Variants in CNTNAP3B observed in about 807,000 individuals in gnomAD.
CNTNAP3B encodes the protein contactin-associated protein-like 3B.
In CNTNAP3B, 25 loss-of-function variants were observed where a neutral mutation model predicts 108.9. The observed-to-expected ratio is 0.23, with a 90% confidence interval of 0.17 to 0.32. The LOEUF is 0.32. Ranked by LOEUF, CNTNAP3B falls within the 10% of genes least tolerant of loss-of-function variation. The pLI is 1.00. For missense variants in CNTNAP3B, 252 were observed against 1,210.4 expected (o/e 0.21, Z 11.75); for synonymous variants, 103 against 473.4 (o/e 0.22, Z 10.16).
At chr9:41,932,329 T>C (rs1231372453) in intron 14 of CNTNAP3B, among the ~76,000 whole-genome samples, 1 of 152,014 alleles carries the variant, frequency 6.6e-6, no homozygotes, top group Non-Finnish European at 1.5e-5. Context: ...TTTATTAAAA[T>C]TTTTATTTAT....
In CNTNAP3B at chr9:41,936,201, C is replaced by T. The variant is rs1370560379; in HGVS notation, c.2237+2043G>A. Reference sequence around the variant, plus strand: ...CTGAGGCAGGAGAATCGCTTGAATCCGGGAGGCGCAGGTTGCAGTGAGCTG... The same window carrying T: ...CTGAGGCAGGAGAATCGCTTGAATCTGGGAGGCGCAGGTTGCAGTGAGCTG... On this transcript the variant is annotated intron_variant, in intron 14 of 23. Transcript: ENST00000377561. 1.6e-4 allele frequency among the ~76,000 whole-genome samples: 24 copies of T among 152,370 alleles called. No homozygotes were observed. The South Asian group carries it at 4.6e-3, about 29-fold the overall frequency.
At chr9:41,939,551 T>A (rs532000263) in intron 13 of CNTNAP3B, among the ~76,000 whole-genome samples, 1 of 152,274 alleles carries the variant, frequency 6.6e-6, no homozygotes, top group Non-Finnish European at 1.5e-5. Flanking sequence ...TAAAGAGGGA[T>A]TAGTACCAGG....
At chr9:41,951,798 C>T (rs1824693292) in intron 13 of CNTNAP3B, among the ~76,000 whole-genome samples, 3 of 152,260 alleles carry the variant, frequency 2.0e-5, no homozygotes, top group Non-Finnish European at 2.9e-5. Flanking sequence ...GTGTGAGGGC[C>T]GGGCGCGGTG....
intron 1 of CNTNAP3B, among the ~76,000 whole-genome samples, chr9:42,120,890 G>A (rs1828447040): frequency 7.3e-6 from 1 of 136,270 alleles, no homozygotes; most frequent in Non-Finnish European, 1.6e-5. Context: ...GTTAATGGGT[G>A]CAGCACACCA....
intron 3 of CNTNAP3B, among the ~76,000 whole-genome samples, chr9:42,056,352 T>G (rs1338607355): frequency 1.4e-5 from 2 of 139,390 alleles, no homozygotes; most frequent in East Asian, 4.2e-4. Flanking sequence ...TTATTATTAT[T>G]ATTATTATTA....
rs1469357540 is a variant in CNTNAP3B at position 42,105,432 on chromosome 9, C to T, written c.86-693G>A. Among the ~76,000 whole-genome samples the T allele has an allele frequency of 3.9e-5, 4 of 103,364 alleles. No individual in the cohort carries two copies. The East Asian group carries it at 1.3e-3, about 34-fold the overall frequency. 67.8% of individuals were successfully genotyped at this position (103,364 alleles called of 152,430 possible). A position where few individuals can be genotyped will look rare whatever the true frequency, so the allele number is the denominator to read the frequency against. ...CATTGCAGGAACTTGCTCTGCCTTTCCAACCCAAGGACCCCTGCATGTCAC... is the reference window on the plus strand; with the variant it reads ...CATTGCAGGAACTTGCTCTGCCTTTTCAACCCAAGGACCCCTGCATGTCAC... On this transcript the variant is annotated intron_variant, in intron 1 of 23. Coordinates refer to ENST00000377561, the MANE Select transcript of CNTNAP3B (RefSeq NM_001201380.3).
At chr9:42,108,150 C>T (rs1285501332) in intron 1 of CNTNAP3B, among the ~76,000 whole-genome samples, 2 of 137,736 alleles carry the variant, frequency 1.5e-5, no homozygotes, top group Non-Finnish European at 3.1e-5. Flanking sequence ...CAGTGGGCAC[C>T]CCACAAGTGT....
chr9:41,953,453 G>A, intron 12 of CNTNAP3B, 67 bp from the exon 13 acceptor site: 2 of 1,518,232 alleles, frequency 1.3e-6, no homozygotes, highest in Non-Finnish European at 1.8e-6. Flanking sequence ...AGGCAAAGCA[G>A]ACCTTTTATG....
At chr9:41,936,819 A>G (rs1302391210) in intron 14 of CNTNAP3B, among the ~76,000 whole-genome samples, 2 of 152,288 alleles carry the variant, frequency 1.3e-5, no homozygotes, top group African/African-American at 4.8e-5. Context: ...TGTCTCATAA[A>G]TCTGTATGAT....
At chr9:41,947,625 T>C (rs1824564384) in intron 13 of CNTNAP3B, among the ~76,000 whole-genome samples, 2 of 152,008 alleles carry the variant, frequency 1.3e-5, no homozygotes, top group African/African-American at 4.8e-5. Context: ...TTCTTACCTC[T>C]AGAAACTAGA....
chr9:42,115,428 T>A (rs1306216605), intron 1 of CNTNAP3B, among the ~76,000 whole-genome samples: 1 of 138,612 alleles, frequency 7.2e-6, no homozygotes, highest in East Asian at 2.2e-4. Flanking sequence ...AGTGGGTCCC[T>A]GACCCCTGCG....
intron 1 of CNTNAP3B, among the ~76,000 whole-genome samples, chr9:42,116,655 T>C (rs62558077): frequency 0.014 from 1,931 of 139,462 alleles, 282 homozygotes; most frequent in South Asian, 0.056. Flanking sequence ...AATGACAGGA[T>C]CAAATTCACA....
At chr9:42,088,803 C>T (rs1210815346) in intron 2 of CNTNAP3B, among the ~76,000 whole-genome samples, 1 of 139,118 alleles carries the variant, frequency 7.2e-6, no homozygotes, top group African/African-American at 2.8e-5. Flanking sequence ...TAATGTTCTA[C>T]TTTTCAGGTC....
rs1275093488 is a variant in CNTNAP3B, at chr9:42,120,802, C to T, written c.85+8208G>A. Reference sequence around the variant, plus strand: ...ACACATGGACACAGGAAGGGGAACACTACACAACGGGGACTGTCGCGGGGT... The same window carrying T: ...ACACATGGACACAGGAAGGGGAACATTACACAACGGGGACTGTCGCGGGGT... On this transcript the variant is annotated intron_variant, in intron 1 of 23. Coordinates refer to ENST00000377561, the MANE Select transcript of CNTNAP3B (RefSeq NM_001201380.3). 4.0e-5 allele frequency among the ~76,000 whole-genome samples: 4 copies of T among 99,066 alleles called. 1 individual carries two copies. Among genetic ancestry groups the T allele is most frequent in the Non-Finnish European group, 7.3e-5 (4 of 54,610 alleles). 65.0% of individuals were successfully genotyped at this position (99,066 alleles called of 152,430 possible).
Position 42,076,998 on chromosome 9 carries a change from CT to C in CNTNAP3B, c.260del (p.Glu87GlyfsTer20), listed in dbSNP as rs1827506415. The C allele has an allele frequency of 6.6e-7, 1 of 1,525,084 alleles. No homozygotes were observed. The highest frequency in any genetic ancestry group is 1.7e-5 in the African/African-American group (1 of 60,180). The allele number at this position is 1,525,084 out of a possible 1,614,324, so 94.5% of individuals were successfully genotyped here. On this transcript the variant is annotated frameshift_variant, in exon 3 of 24. Transcript: ENST00000377561. LOFTEE classifies it high-confidence loss of function. ...KYQWLQIDLGERMEVTAVATQ... is the reference protein window; with the variant it reads ...KYQWLQIDLGXRMEVTAVATQ... ...TGGCGACAGCAGTGACCTCCATTCT[CT>C]CTCCAAGGTCAATTTGCAGCCATTG...
intron 13 of CNTNAP3B, among the ~76,000 whole-genome samples, chr9:41,947,559 G>A (rs1217933156): frequency 1.3e-5 from 2 of 152,172 alleles, no homozygotes; most frequent in East Asian, 1.9e-4. Flanking sequence ...TAGGGAAAAC[G>A]TAGCACTAAA....
Position 42,109,809 on chromosome 9 carries a change from G to C in CNTNAP3B, c.86-5070C>G, listed in dbSNP as rs568486773. Among the ~76,000 whole-genome samples, 69 of 135,364 alleles carry C rather than the reference G, an allele frequency of 5.1e-4. 4 individuals are homozygous for C. The highest frequency in any genetic ancestry group is 1.8e-3 in the African/African-American group (61 of 33,452). 88.8% of individuals were successfully genotyped at this position (135,364 alleles called of 152,430 possible). On this transcript the variant is annotated intron_variant, in intron 1 of 23. Coordinates refer to ENST00000377561, the MANE Select transcript of CNTNAP3B (RefSeq NM_001201380.3). ...CAGATGTGATCAAAGACCCTGAGACGAGGAAATTATCTTGAATTATCTGGC... is the reference window on the plus strand; with the variant it reads ...CAGATGTGATCAAAGACCCTGAGACCAGGAAATTATCTTGAATTATCTGGC...
At chr9:41,950,350 A>G (rs1293318470) in intron 13 of CNTNAP3B, among the ~76,000 whole-genome samples, 3 of 133,386 alleles carry the variant, frequency 2.2e-5, no homozygotes, top group Non-Finnish European at 4.9e-5. Context: ...TAAGTATGCA[A>G]TTACCATATA....
At chr9:41,963,189 T>C (rs1430772883) in intron 11 of CNTNAP3B, among the ~76,000 whole-genome samples, 1 of 152,292 alleles carries the variant, frequency 6.6e-6, no homozygotes, top group East Asian at 1.9e-4. Context: ...CTGTGGCTTT[T>C]GTGAAAATCA....
Sources: allele counts gnomAD v4.1 joint callset (sites outside exome capture counted in the v4.1 genomes callset), GRCh38; gene constraint gnomAD v4.1.1; transcripts MANE v1.5; gene names NCBI Gene and HGNC (gene_info 2026-07-23, HGNC 2026-07-21).